DLG2: variants seen among roughly 807,000 people sequenced by gnomAD.
The protein encoded by DLG2 is disks large homolog 2.
Under a neutral mutation model 132.5 loss-of-function variants are expected in DLG2, and 45 were observed. The observed-to-expected ratio is 0.34, with a 90% CI of 0.27 to 0.44. The LOEUF is 0.44. DLG2 is among the 20% of genes least tolerant of loss of function. The pLI is 1.00. For synonymous variants in DLG2, 424 were observed against 419.6 expected, an observed-to-expected ratio of 1.01 and a Z score of -0.13; for missense variants, 1,045 against 1,196.9, an observed-to-expected ratio of 0.87 and a Z score of 1.87.
At chr11:84,122,202 C>G (rs891758885) in intron 9 of DLG2, among the ~76,000 whole-genome samples, 4 of 151,938 alleles carry the variant, frequency 2.6e-5, no homozygotes, top group Non-Finnish European at 5.9e-5. Context: ...CACCTGTAAT[C>G]CCAGCTACTC....
chr11:85,184,072 C>A (rs150954383), intron 4 of DLG2, among the ~76,000 whole-genome samples: 27 of 152,014 alleles, frequency 1.8e-4, no homozygotes, highest in African/African-American at 5.1e-4. Context: ...AACCAAGTTT[C>A]TTTGACCCTA....
rs544800609 is a variant in DLG2 at position 84,978,971 on chromosome 11, A to G, written c.357+132690T>C. Among the ~76,000 whole-genome samples the G allele has an allele frequency of 5.3e-5, 8 of 152,324 alleles. No individual in the cohort carries two copies. The East Asian group carries it at 1.5e-3, about 29-fold the overall frequency. Reference sequence around the variant, plus strand: ...AAGAACCCAAACAAATTTACAAGAAAAAAACAACCCCATCAACAAGTGGGC... The same window carrying G: ...AAGAACCCAAACAAATTTACAAGAAGAAAACAACCCCATCAACAAGTGGGC... On this transcript the variant is annotated intron_variant, in intron 6 of 27. Transcript: ENST00000376104.
At position 83,601,510 on chromosome 11, in the gene DLG2, C is replaced by CTTTTTTTTTTT. The variant is rs71066054; in HGVS notation, c.1940+31690_1940+31700dup. On this transcript the variant is annotated intron_variant, in intron 19 of 27. Transcript: ENST00000376104. ...CAGCTGCAAAGTAATATGTGATGTT[C>CTTTTTTTTTTT]TTTTTTTTTTTTTTTTTTTTTGACA... 3.9e-4 allele frequency among the ~76,000 whole-genome samples: 37 copies of CTTTTTTTTTTT among 94,558 alleles called. 2 individuals carry two copies. The highest frequency in any genetic ancestry group is 5.1e-4 in the Admixed American group (3 of 5,880). 62.0% of individuals were successfully genotyped at this position (94,558 alleles called of 152,430 possible).
intron 3 of DLG2, among the ~76,000 whole-genome samples, chr11:85,510,529 A>G (rs1238847759): frequency 1.3e-5 from 2 of 152,162 alleles, no homozygotes; most frequent in Admixed American, 1.3e-4. Context: ...TACAAGAAAA[A>G]AAAACAAACA....
chr11:83,715,961 C>A lies in DLG2; in HGVS notation c.1825+70729G>T, dbSNP rs2086597556. Among the ~76,000 whole-genome samples, 6 of 152,184 alleles carry A rather than the reference C, an allele frequency of 3.9e-5. No homozygotes were observed. The South Asian group carries it at 1.2e-3, about 31-fold the overall frequency. On this transcript the variant is annotated intron_variant, in intron 18 of 27. Coordinates refer to ENST00000376104, the MANE Select transcript of DLG2 (RefSeq NM_001142699.3). ...AATTAAGCATTCCTCACCTAGGAGC[C>A]TATAAGACTCCCATAGTATTGATTA...
Position 83,592,320 on chromosome 11 carries a change from G to A in DLG2, c.1940+40891C>T, listed in dbSNP as rs568950374. Among the ~76,000 whole-genome samples the A allele has an allele frequency of 3.0e-3, 449 of 147,734 alleles. 8 individuals carry two copies. Among genetic ancestry groups the A allele is most frequent in the African/African-American group, 0.011 (437 of 40,770 alleles). ...ATATAGATCAATGGAACAGAACAGA[G>A]CCCTGAGAAATAACACCGCATATCT... On this transcript the variant is annotated intron_variant, in intron 19 of 27. Transcript: ENST00000376104.
intron 6 of DLG2, among the ~76,000 whole-genome samples, chr11:85,007,686 AAAAAG>A (rs1566633611): frequency 7.0e-5 from 10 of 142,628 alleles, no homozygotes; most frequent in Non-Finnish European, 9.2e-5. Flanking sequence ...AAAAAAAAAA[AAAAAG>A]AAAAGAAAAG....
At chr11:85,393,583 C>A (rs971721812) in intron 3 of DLG2, among the ~76,000 whole-genome samples, 1 of 150,586 alleles carries the variant, frequency 6.6e-6, no homozygotes, top group East Asian at 2.0e-4. Context: ...CAACAATCAA[C>A]AAGTGGATAA....
chr11:85,532,870 T>C (rs1471868873), intron 3 of DLG2, among the ~76,000 whole-genome samples: 1 of 152,236 alleles, frequency 6.6e-6, no homozygotes, highest in Non-Finnish European at 1.5e-5. Flanking sequence ...GTCCCACACC[T>C]GTTCCTTATC....
intron 4 of DLG2, among the ~76,000 whole-genome samples, chr11:85,175,928 G>A (rs1321524881): frequency 6.6e-6 from 1 of 152,104 alleles, no homozygotes; most frequent in Non-Finnish European, 1.5e-5. Flanking sequence ...GCTTCTTCAA[G>A]GAGAACTGTA....
At chr11:84,355,667 C>T (rs1439966050) in intron 7 of DLG2, among the ~76,000 whole-genome samples, 2 of 151,830 alleles carry the variant, frequency 1.3e-5, no homozygotes, top group African/African-American at 4.8e-5. Flanking sequence ...GTCATTAGTA[C>T]AATTAGAGCA....
chr11:85,504,129 T>C (rs1432394421), intron 3 of DLG2, among the ~76,000 whole-genome samples: 2 of 152,170 alleles, frequency 1.3e-5, no homozygotes, highest in African/African-American at 4.8e-5. Context: ...GTCAGATGGG[T>C]AGATTGCAAA....
chr11:84,107,556 A>G (rs146624089), intron 9 of DLG2, among the ~76,000 whole-genome samples: 15 of 152,202 alleles, frequency 9.9e-5, no homozygotes, highest in Admixed American at 8.5e-4. Context: ...ACATACACAC[A>G]CATTATACTT....
intron 6 of DLG2, among the ~76,000 whole-genome samples, chr11:85,040,040 C>G (rs1026150678): frequency 6.6e-6 from 1 of 151,942 alleles, no homozygotes; most frequent in South Asian, 2.1e-4. Flanking sequence ...ATAGCAAAAT[C>G]GTGCTATAGA....
In DLG2 at chr11:84,855,076, G is replaced by A. The variant is rs536532048; in HGVS notation, c.357+256585C>T. On this transcript the variant is annotated intron_variant, in intron 6 of 27. Transcript: ENST00000376104. ...TAGTTCCATGGTTGTGTCAGATGACGGGCTCAGAGGATTAAGGCTTTAAAA... is the reference window on the plus strand; with the variant it reads ...TAGTTCCATGGTTGTGTCAGATGACAGGCTCAGAGGATTAAGGCTTTAAAA... Among the ~76,000 whole-genome samples the A allele has an allele frequency of 3.9e-5, 6 of 151,958 alleles. No individual in the cohort carries two copies. The South Asian group carries it at 6.2e-4, about 16-fold the overall frequency.
chr11:84,462,912 A>T (rs997306018), intron 7 of DLG2, among the ~76,000 whole-genome samples: 2 of 151,216 alleles, frequency 1.3e-5, no homozygotes, highest in African/African-American at 4.8e-5. Context: ...ATGAAGAATG[A>T]TTTTTGAGTT....
At chr11:85,030,448 T>G (rs1405096510) in intron 6 of DLG2, among the ~76,000 whole-genome samples, 2 of 152,220 alleles carry the variant, frequency 1.3e-5, no homozygotes, top group Non-Finnish European at 2.9e-5. Context: ...GTTATACTGC[T>G]TATGCTATTA....
intron 7 of DLG2, among the ~76,000 whole-genome samples, chr11:84,501,073 A>G (rs770846798): frequency 7.2e-5 from 11 of 152,206 alleles, no homozygotes; most frequent in Non-Finnish European, 1.3e-4. Context: ...TGTTTGACTC[A>G]TAATAGGTTG....
chr11:85,575,023 C>T (rs1236012190), intron 3 of DLG2, among the ~76,000 whole-genome samples: 1 of 152,028 alleles, frequency 6.6e-6, no homozygotes, highest in East Asian at 1.9e-4. Flanking sequence ...CCTCCAACTC[C>T]TCTCCTACAT....
Sources: allele counts gnomAD v4.1 joint callset (sites outside exome capture counted in the v4.1 genomes callset), GRCh38; gene constraint gnomAD v4.1.1; transcripts MANE v1.5; gene names NCBI Gene and HGNC (gene_info 2026-07-23, HGNC 2026-07-21).